HLCS: variants seen among roughly 807,000 people sequenced by gnomAD.
The protein encoded by HLCS is biotin--protein ligase.
Under a neutral mutation model 75.0 loss-of-function variants are expected in HLCS, and 53 were observed. The observed-to-expected ratio is 0.71, with a 90% CI of 0.57 to 0.89. The LOEUF (loss-of-function observed/expected upper bound fraction) is 0.89. HLCS is among the 40% of genes least tolerant of loss of function. HLCS has a pLI of 0.00. For synonymous variants in HLCS, 431 were observed against 428.6 expected (o/e 1.01, Z -0.07); for missense variants, 966 against 1,074.0 (o/e 0.90, Z 1.41).
intron 6 of HLCS, among the ~76,000 whole-genome samples, chr21:36,829,153 C>T (rs143885279): frequency 7.8e-4 from 119 of 152,334 alleles, no homozygotes; most frequent in African/African-American, 2.6e-3. Context: ...TGCTCACTTA[C>T]GCATCTGTTG....
chr21:36,950,939 T>C (rs1421063948), intron 2 of HLCS, among the ~76,000 whole-genome samples: 2 of 152,192 alleles, frequency 1.3e-5, no homozygotes, highest in Non-Finnish European at 2.9e-5. Context: ...TCAGCTCTAG[T>C]CCTTGTGCTG....
intron 6 of HLCS, among the ~76,000 whole-genome samples, chr21:36,874,244 T>C (rs899899541): frequency 1.3e-5 from 2 of 151,952 alleles, no homozygotes; most frequent in African/African-American, 4.8e-5. Flanking sequence ...CTACTAAAAA[T>C]ACAAAAAATT....
chr21:36,920,989 T>G (rs189584005), intron 5 of HLCS, among the ~76,000 whole-genome samples: 1 of 152,264 alleles, frequency 6.6e-6, no homozygotes, highest in East Asian at 1.9e-4. Context: ...TATTTTCTTA[T>G]TTACGGAAAT....
rs891184429 is a variant in HLCS, at chr21:36,753,310, C to T, written c.*936G>A. On this transcript the variant is annotated 3_prime_UTR_variant, in exon 11 of 11. Transcript: ENST00000674895. This position sits in a 1 kb window ranked among gnomAD's most constrained non-coding sequence, Gnocchi z 4.3. Reference sequence around the variant, plus strand: ...GTAAAATGCCATGTCTTCTATATTCCGTGAGCTGCACAGTCTTGCAGGAAT... The same window carrying T: ...GTAAAATGCCATGTCTTCTATATTCTGTGAGCTGCACAGTCTTGCAGGAAT... 3 of 152,262 alleles carry T rather than the reference C, an allele frequency of 2.0e-5. No homozygotes were observed. Among genetic ancestry groups the T allele is most frequent in the Admixed American group, 1.3e-4 (2 of 15,276 alleles). The allele number at this position is 152,262 out of a possible 1,614,324, so 9.4% of individuals were successfully genotyped here.
intron 6 of HLCS, among the ~76,000 whole-genome samples, chr21:36,831,568 A>C (rs1453549228): frequency 6.6e-6 from 1 of 152,178 alleles, no homozygotes; most frequent in Non-Finnish European, 1.5e-5. Context: ...CTGTAGTCCC[A>C]GCTACTCAGG....
chr21:36,902,603 G>C (rs2065282399), intron 5 of HLCS, among the ~76,000 whole-genome samples: 1 of 152,232 alleles, frequency 6.6e-6, no homozygotes. Context: ...GTCATCTTAT[G>C]ATTGCTTCTA....
At position 36,872,515 on chromosome 21, in the gene HLCS, G is replaced by A. The variant is rs117887235; in HGVS notation, c.1892+24345C>T. On this transcript the variant is annotated intron_variant, in intron 6 of 10. Coordinates refer to ENST00000674895, the MANE Select transcript of HLCS (RefSeq NM_001352514.2). ...GGTTTTGACAAATGTGTACACCACC[G>A]CCAATCCCAGAAACAACCATTCTTC... 7.2e-4 allele frequency among the ~76,000 whole-genome samples: 109 copies of A among 152,032 alleles called. No individual in the cohort carries two copies. In the East Asian group the frequency reaches 0.018, roughly 25 times the overall value.
At chr21:36,853,986 C>A (rs1257641354) in intron 6 of HLCS, among the ~76,000 whole-genome samples, 1 of 151,906 alleles carries the variant, frequency 6.6e-6, no homozygotes, top group Non-Finnish European at 1.5e-5. Context: ...GTATATTGTT[C>A]TATGGGGAAG....
rs568871363 is a variant in HLCS, at chr21:36,936,803, A to T, written c.1083T>A (p.Cys361Ter). 4 of 1,614,182 alleles carry T rather than the reference A, an allele frequency of 2.5e-6. No homozygotes were observed. The Admixed American group carries it at 6.7e-5, about 27-fold the overall frequency. ...SALRDPWTDN[C>*]LLLVIATRES... ...CCCTGGTAGCAATGACCAACAGCAG[A>T]CAGTTGTCCGTCCACGGGTCTCTGA... Residue 361 changes from cysteine to a stop codon, truncating the protein, a stop_gained, in exon 4 of 11, where the codon TGT becomes TGA. Coordinates refer to ENST00000674895, the MANE Select transcript of HLCS (RefSeq NM_001352514.2). LOFTEE classifies it high-confidence loss of function.
At chr21:36,930,042 T>C (rs1421653167) in intron 5 of HLCS, among the ~76,000 whole-genome samples, 1 of 152,208 alleles carries the variant, frequency 6.6e-6, no homozygotes, top group African/African-American at 2.4e-5. Context: ...TTAACACCTT[T>C]CTAAACTCTA....
intron 5 of HLCS, among the ~76,000 whole-genome samples, chr21:36,898,446 C>CAAA (rs58625493): frequency 0.13 from 6,471 of 49,410 alleles, 1,040 homozygotes; most frequent in African/African-American, 0.39. Context: ...AACTCCATCT[C>CAAA]AAAAAAAAAA....
At chr21:36,787,930 C>A (rs141291744) in intron 6 of HLCS, among the ~76,000 whole-genome samples, 202 of 152,284 alleles carry the variant, frequency 1.3e-3, no homozygotes, top group African/African-American at 4.6e-3. Context: ...AGCAGGGCTG[C>A]CAGGGCTTTC....
intron 6 of HLCS, among the ~76,000 whole-genome samples, chr21:36,809,790 G>A (rs1488879948): frequency 1.3e-5 from 2 of 152,198 alleles, no homozygotes; most frequent in Non-Finnish European, 2.9e-5. Flanking sequence ...CCAGGCTGGA[G>A]TGCAGTGGTG....
chr21:36,899,606 G>C lies in HLCS; in HGVS notation c.1621-2475C>G, dbSNP rs548242672. ...GCCATCACACTCCAGCCTGGAGACA[G>C]AGCAAAACTGCATCTCAAATAATAA... On this transcript the variant is annotated intron_variant, in intron 5 of 10. Coordinates refer to ENST00000674895, the MANE Select transcript of HLCS (RefSeq NM_001352514.2). 3.9e-5 allele frequency among the ~76,000 whole-genome samples: 6 copies of C among 152,138 alleles called. No individual in the cohort carries two copies. The South Asian group carries it at 1.2e-3, about 32-fold the overall frequency.
At chr21:36,829,765 GACTTACTT>G (rs1432094839) in intron 6 of HLCS, among the ~76,000 whole-genome samples, 1 of 152,098 alleles carries the variant, frequency 6.6e-6, no homozygotes, top group Non-Finnish European at 1.5e-5. Context: ...TCCCAGAGAG[GACTTACTT>G]AAGTTCCAGA....
chr21:36,961,266 G>T (rs571312829), intron 2 of HLCS, among the ~76,000 whole-genome samples: 3 of 152,326 alleles, frequency 2.0e-5, no homozygotes, highest in African/African-American at 7.2e-5. Context: ...TAGGAAGCAA[G>T]AAATTGTAGG....
chr21:36,880,084 G>A (rs755549271), intron 6 of HLCS, among the ~76,000 whole-genome samples: 1 of 152,172 alleles, frequency 6.6e-6, no homozygotes, highest in Non-Finnish European at 1.5e-5. Flanking sequence ...CTGATTTAAG[G>A]TTCAGTAGAA....
intron 6 of HLCS, among the ~76,000 whole-genome samples, chr21:36,777,762 C>CA (rs2060405795): frequency 1.3e-5 from 2 of 152,164 alleles, no homozygotes; most frequent in Non-Finnish European, 2.9e-5. Flanking sequence ...CAGGGCCTGA[C>CA]ATCGGGAGGC....
chr21:36,797,154 A>G (rs1174682286), intron 6 of HLCS, among the ~76,000 whole-genome samples: 1 of 152,174 alleles, frequency 6.6e-6, no homozygotes, highest in Non-Finnish European at 1.5e-5. Flanking sequence ...GGGGTGAGCC[A>G]CAGCTCCCAG....
Sources: gnomAD v4.1 joint callset for allele counts (sites outside exome capture counted in the v4.1 genomes callset) on GRCh38, gnomAD v4.1.1 for gene constraint, Gnocchi (gnomAD v3.1) non-coding constraint, MANE v1.5 for transcripts, NCBI Gene and HGNC (gene_info 2026-07-23, HGNC 2026-07-21) for gene names.